CSAD: variants seen among roughly 807,000 people sequenced by gnomAD.
The protein encoded by CSAD is P-selectin cytoplasmic tail-associated protein.
A neutral mutation model predicts 61.5 loss-of-function variants in CSAD; 47 were observed. The observed-to-expected ratio is 0.76, with a 90% CI of 0.60 to 0.97. The LOEUF is 0.97. CSAD is among the 50% of genes least tolerant of loss of function. CSAD has a pLI of 0.00. For synonymous variants in CSAD, 245 were observed against 252.7 expected (o/e 0.97, Z 0.29); for missense variants, 611 against 643.6 (o/e 0.95, Z 0.55).
At position 53,162,985 on chromosome 12, in the gene CSAD, C is replaced by T. The variant is rs189746615; in HGVS notation, c.703-1596G>A. 2.8e-4 allele frequency among the ~76,000 whole-genome samples: 43 copies of T among 151,380 alleles called. 1 individual carries two copies. Among genetic ancestry groups the T allele is most frequent in the South Asian group, 2.5e-3 (12 of 4,748 alleles). On this transcript the variant is annotated intron_variant, in intron 10 of 16. Coordinates refer to ENST00000444623, the MANE Select transcript of CSAD (RefSeq NM_001244705.2). ...TTGAGGCAGGAGAATGGCTTAAACC[C>T]GGGAGGCGGAGGTTGCTGTGAGCCA...
intron 2 of CSAD, among the ~76,000 whole-genome samples, chr12:53,174,650 C>T (rs537201263): frequency 2.4e-4 from 37 of 152,076 alleles, no homozygotes; most frequent in Non-Finnish European, 4.0e-4. Context: ...CACAATTAGC[C>T]GGGCGTGGTG....
Position 53,170,145 on chromosome 12 carries a change from A to G in CSAD, c.648-19T>C, listed in dbSNP as rs770593127. 2 of 1,610,026 alleles carry G rather than the reference A, an allele frequency of 1.2e-6. No homozygotes were observed. Among genetic ancestry groups the G allele is most frequent in the African/African-American group, 1.3e-5 (1 of 74,804 alleles). On this transcript the variant is annotated intron_variant, in intron 9 of 16. Coordinates refer to ENST00000444623, the MANE Select transcript of CSAD (RefSeq NM_001244705.2). ...TTTCCCTCTGAAAAAGAAAATGCAG[A>G]GGGTAGAGCAGGGACAGGTTCTCTG...
intron 1 of CSAD, chr12:53,179,793 T>C: frequency 1.2e-6 from 2 of 1,613,756 alleles, no homozygotes; most frequent in Non-Finnish European, 1.7e-6. Flanking sequence ...AATGAGGACT[T>C]CAGTGGAATT....
intron 10 of CSAD, among the ~76,000 whole-genome samples, chr12:53,165,802 T>C (rs763053349): frequency 1.3e-5 from 2 of 151,944 alleles, no homozygotes; most frequent in Non-Finnish European, 2.9e-5. Flanking sequence ...CTCAAAAAAA[T>C]TCAATAGAAT....
rs964239439 is a variant in CSAD at position 53,171,677 on chromosome 12, A to G, written c.451+205T>C. 2.6e-5 allele frequency: 16 copies of G among 618,626 alleles called. No homozygotes were observed. In the African/African-American group the frequency reaches 2.8e-4, roughly 11 times the overall value. 38.3% of individuals were successfully genotyped at this position (618,626 alleles called of 1,614,324 possible). On this transcript the variant is annotated intron_variant, in intron 7 of 16. Transcript: ENST00000444623. ...GAGACAGCCCCCGTCCGGAGATAGC[A>G]GGAACTAGACCACTGACCCCAGGGA...
At chr12:53,171,238 G>A (rs766215321) in intron 8 of CSAD, 88 bp downstream of exon 8, 5 of 1,591,862 alleles carry the variant, frequency 3.1e-6, no homozygotes. Context: ...GATGTAGGGA[G>A]GGCAGGGAGA....
intron 2 of CSAD, chr12:53,178,246 A>G (rs761754519): frequency 6.9e-5 from 28 of 408,458 alleles, no homozygotes; most frequent in Non-Finnish European, 1.2e-4. Context: ...GCCGAGGCCA[A>G]TGGATAGCTT....
chr12:53,160,965 G>C, intron 12 of CSAD, 121 bp from the exon 13 acceptor site: 1 of 1,149,708 alleles, frequency 8.7e-7, no homozygotes, highest in Non-Finnish European at 1.3e-6. Context: ...CCCAGCATCA[G>C]GAAGAACTGC....
At chr12:53,178,103 A>ACATT (rs1941242975) in intron 2 of CSAD, among the ~76,000 whole-genome samples, 1 of 152,250 alleles carries the variant, frequency 6.6e-6, no homozygotes, top group South Asian at 2.1e-4. Context: ...GGAATAGGGA[A>ACATT]CATTCACACA....
At chr12:53,160,740 T>TGCAGGG in intron 13 of CSAD, 23 bp downstream of exon 13, 1 of 1,542,682 alleles carries the variant, frequency 6.5e-7, no homozygotes, top group Non-Finnish European at 8.8e-7. Context: ...GTGGGGCTGG[T>TGCAGGG]GCAGGGGCAG....
intron 1 of CSAD, chr12:53,180,276 G>A: frequency 1.0e-6 from 1 of 985,458 alleles, no homozygotes; most frequent in African/African-American, 1.7e-5. Flanking sequence ...CCTCGGCCGA[G>A]TTACGTGAAA....
chr12:53,160,295 A>C lies in CSAD; in HGVS notation c.991T>G (p.Ser331Ala). ...TSNLLKRCHG[S>A]QASYLFQQDK... ...TGCTGGAAAAGGTAGCTGGCCTGGG[A>C]CCCATGGCAGCGCTTGAGCAGGTTC... is the stretch of plus-strand genomic sequence containing the variant. The change falls in exon 14 of 17, where the codon TCC becomes GCC. Residue 331 changes from serine (S) to alanine (A), a missense_variant. By Grantham distance (99) the Ser-to-Ala change is moderately conservative. Coordinates refer to ENST00000444623, the MANE Select transcript of CSAD (RefSeq NM_001244705.2). 1.2e-6 allele frequency: 2 copies of C among 1,614,114 alleles called. No individual in the cohort carries two copies. Among genetic ancestry groups the C allele is most frequent in the Non-Finnish European group, 1.7e-6 (2 of 1,180,016 alleles).
rs1217440186 is a variant in CSAD at position 53,159,868 on chromosome 12, A to C, written c.1218+19T>G. 1 of 1,583,416 alleles carries C rather than the reference A, an allele frequency of 6.3e-7. No homozygotes were observed. Among genetic ancestry groups the C allele is most frequent in the Non-Finnish European group, 8.6e-7 (1 of 1,162,842 alleles). On this transcript the variant is annotated intron_variant, in intron 15 of 16. Transcript: ENST00000444623. Reference sequence around the variant, plus strand: ...GAGCTAGGCTGGGGCAGGGGCCACAAAATAGAAAGGGGTCCTACCTCCATG... The same window carrying C: ...GAGCTAGGCTGGGGCAGGGGCCACACAATAGAAAGGGGTCCTACCTCCATG...
chr12:53,174,487 G>A (rs1034362309), intron 2 of CSAD, among the ~76,000 whole-genome samples: 1 of 151,814 alleles, frequency 6.6e-6, no homozygotes, highest in South Asian at 2.1e-4. Context: ...TAAAATAACG[G>A]TTCTTTTTAA....
chr12:53,178,296 A>C (rs1941257695), intron 2 of CSAD: 12 of 449,756 alleles, frequency 2.7e-5, no homozygotes, highest in Non-Finnish European at 4.5e-5. Flanking sequence ...AACATGGCAA[A>C]ACCCTGTCTC....
chr12:53,167,647 C>T (rs931316991), intron 10 of CSAD, among the ~76,000 whole-genome samples: 1 of 152,144 alleles, frequency 6.6e-6, no homozygotes, highest in African/African-American at 2.4e-5. Flanking sequence ...TATCATTAGT[C>T]ATCAGGGAAA....
intron 2 of CSAD, chr12:53,178,329 A>T (rs1380544088): frequency 1.8e-5 from 8 of 453,654 alleles, no homozygotes; most frequent in African/African-American, 1.6e-4. Flanking sequence ...AAAAACAAAA[A>T]AAAAACTACA....
At chr12:53,162,809 C>T (rs541785401) in intron 10 of CSAD, among the ~76,000 whole-genome samples, 1 of 152,122 alleles carries the variant, frequency 6.6e-6, no homozygotes, top group South Asian at 2.1e-4. Flanking sequence ...TGCCTGGAAT[C>T]CCAGCACTTT....
At chr12:53,181,018 C>T (rs1941585877), upstream of CSAD, 1 of 856,670 alleles carries the variant, frequency 1.2e-6, no homozygotes, top group Non-Finnish European at 1.5e-6. Context: ...GCCCCCTGCC[C>T]GCGCGTCCCG....
Sources: allele counts gnomAD v4.1 joint callset (sites outside exome capture counted in the v4.1 genomes callset), GRCh38; gene constraint gnomAD v4.1.1; transcripts MANE v1.5; gene names NCBI Gene and HGNC (gene_info 2026-07-23, HGNC 2026-07-21).